ATAD3A: variants seen among roughly 807,000 people sequenced by gnomAD.
ATAD3A encodes ATPase family AAA domain-containing protein 3A.
Under a neutral mutation model 73.8 loss-of-function variants are expected in ATAD3A, and 46 were observed. The ratio of observed to expected loss-of-function variants is 0.62; its 90% CI spans 0.49 to 0.80. ATAD3A has a LOEUF of 0.80. ATAD3A is among the 30% of genes least tolerant of loss of function. The probability of loss-of-function intolerance (pLI) is 0.00; values close to 1 mark genes in which losing one functional copy is unlikely to be tolerated. For missense variants in ATAD3A, 705 were observed against 838.0 expected (o/e 0.84, Z 1.96); for synonymous variants, 319 against 350.0 (o/e 0.91, Z 0.99).
chr1:1,522,676 G>C (rs141100577), intron 7 of ATAD3A, 68 bp from the exon 8 acceptor site: 6 of 1,595,890 alleles, frequency 3.8e-6, no homozygotes, highest in Non-Finnish European at 5.1e-6. Context: ...GGGCAGCCCC[G>C]TGCGTCTCCT....
At chr1:1,526,981 C>T (rs571690918) in intron 13 of ATAD3A, among the ~76,000 whole-genome samples, 3,966 of 152,218 alleles carry the variant, frequency 0.026, 171 homozygotes, top group African/African-American at 0.089. Context: ...GGACCTTGGT[C>T]CCCCGCCCGG....
chr1:1,513,874 C>G (rs1641275362), intron 1 of ATAD3A, among the ~76,000 whole-genome samples: 1 of 152,120 alleles, frequency 6.6e-6, no homozygotes, highest in African/African-American at 2.4e-5. Flanking sequence ...GCGGCTCCTC[C>G]TCACCGACTG....
Position 1,527,734 on chromosome 1 carries a change from C to T in ATAD3A, c.1377C>T (p.Phe459=), listed in dbSNP as rs74047254. The change falls in exon 14 of 16, where the codon TTC becomes TTT. Residue 459 remains phenylalanine, a synonymous_variant. Transcript: ENST00000378756. ...TGGCCAGCAACCAACCAGAGCAGTT[C>T]GACTGGGCCATCAATGACCGCATCA... ...LVLASNQPEQ[F]DWAINDRINE... 6.2e-6 allele frequency: 10 copies of T among 1,613,792 alleles called. No homozygotes were observed. Among genetic ancestry groups the T allele is most frequent in the South Asian group, 2.2e-5 (2 of 91,058 alleles).
chr1:1,513,657 A>G (rs1488132575), intron 1 of ATAD3A, among the ~76,000 whole-genome samples: 2 of 151,718 alleles, frequency 1.3e-5, no homozygotes, highest in African/African-American at 4.9e-5. Flanking sequence ...TCCTGGCCTC[A>G]CTGCTGGCAG....
intron 13 of ATAD3A, chr1:1,527,037 T>G (rs1641871683): frequency 3.5e-5 from 19 of 543,712 alleles, no homozygotes; most frequent in South Asian, 2.9e-4. Context: ...CCACCCGACT[T>G]TGTGTGGCCT....
In ATAD3A at chr1:1,512,421, C is replaced by T. The variant is rs1641224054; in HGVS notation, c.153C>T (p.Asp51=). The T allele has an allele frequency of 1.3e-5, 16 of 1,230,930 alleles. No homozygotes were observed. In the East Asian group the frequency reaches 5.1e-4, roughly 39 times the overall value. The allele number at this position is 1,230,930 out of a possible 1,614,324, so 76.3% of individuals were successfully genotyped here. A position where few individuals can be genotyped will look rare whatever the true frequency, so the allele number is the denominator to read the frequency against. Residue 51 remains aspartate (D), a synonymous_variant, in exon 1 of 16, where the codon GAC becomes GAT. Coordinates refer to ENST00000378756, the MANE Select transcript of ATAD3A (RefSeq NM_001170535.3). ...CCAAGGACAAATGGAGCAACTTCGA[C>T]CCCACCGGCCTGGAGCGCGCCGCCA... The part of the protein sequence containing the change: ...PAPKDKWSNF[D]PTGLERAAKA...
At position 1,517,346 on chromosome 1, in the gene ATAD3A, G is replaced by A. The variant is rs1430545912; in HGVS notation, c.318G>A (p.Glu106=). 1 of 1,542,106 alleles carries A rather than the reference G, an allele frequency of 6.5e-7. No homozygotes were observed. The highest frequency in any genetic ancestry group is 8.7e-7 in the Non-Finnish European group (1 of 1,145,652). The change falls in exon 3 of 16, where the codon GAG becomes GAA. Residue 106 remains glutamate (E), a synonymous_variant. Coordinates refer to ENST00000378756, the MANE Select transcript of ATAD3A (RefSeq NM_001170535.3). ...CCGCCGTGGAGCAGCTCAAGAGCGA[G>A]CAGATCCGGGCGCAGGCTGAGGAGA... is the stretch of plus-strand genomic sequence containing the variant. ...YEAAVEQLKS[E]QIRAQAEERR...
At chr1:1,531,164 A>G (rs1642021579) in intron 15 of ATAD3A, among the ~76,000 whole-genome samples, 1 of 151,944 alleles carries the variant, frequency 6.6e-6, no homozygotes, top group Non-Finnish European at 1.5e-5. Flanking sequence ...TCTTAAAAAA[A>G]TAGTAATAGG....
chr1:1,534,443 C>T lies in ATAD3A; in HGVS notation c.*371C>T. The T allele has an allele frequency of 8.1e-7, 1 of 1,236,122 alleles. No individual in the cohort carries two copies. The highest frequency in any genetic ancestry group is 1.0e-6 in the Non-Finnish European group (1 of 967,014). 76.6% of individuals were successfully genotyped at this position (1,236,122 alleles called of 1,614,324 possible). Reference sequence around the variant, plus strand: ...GAGCCAGGCAGGTGATGTCTTTGTTCTCGGCTCCCACAGCAGAGCCAGGTG... The same window carrying T: ...GAGCCAGGCAGGTGATGTCTTTGTTTTCGGCTCCCACAGCAGAGCCAGGTG... On this transcript the variant is annotated 3_prime_UTR_variant, in exon 16 of 16. Transcript: ENST00000378756.
chr1:1,516,178 G>A, intron 2 of ATAD3A, 90 bp downstream of exon 2: 14 of 1,581,442 alleles, frequency 8.9e-6, no homozygotes, highest in South Asian at 4.5e-5. Flanking sequence ...GGGTAGGGCC[G>A]GGGGTGTGTA....
At chr1:1,531,177 A>T (rs1642021861) in intron 15 of ATAD3A, among the ~76,000 whole-genome samples, 1 of 151,560 alleles carries the variant, frequency 6.6e-6, no homozygotes, top group Non-Finnish European at 1.5e-5. Flanking sequence ...GTAATAGGCC[A>T]GGTGCAGTGG....
chr1:1,517,172 G>A (rs1445028168), intron 2 of ATAD3A, 139 bp from the exon 3 acceptor site: 7 of 1,548,618 alleles, frequency 4.5e-6, no homozygotes, highest in Non-Finnish European at 6.1e-6. Context: ...TGCAGATGCG[G>A]CTGGAAGCCC....
intron 14 of ATAD3A, 96 bp downstream of exon 14, chr1:1,527,958 CTT>C (rs376072450): frequency 0.044 from 41,247 of 945,928 alleles, no homozygotes; most frequent in South Asian, 0.05. Flanking sequence ...TTTAACATTC[CTT>C]TTTTTTTTTT....
At chr1:1,527,936 CACTT>C (rs1641906491) in intron 14 of ATAD3A, 74 bp downstream of exon 14, 1 of 1,327,906 alleles carries the variant, frequency 7.5e-7, no homozygotes, top group African/African-American at 1.5e-5. Flanking sequence ...AGTCCACCAT[CACTT>C]ACAAACCTTT....
chr1:1,522,093 G>A (rs1370217512), intron 7 of ATAD3A, among the ~76,000 whole-genome samples: 5 of 152,102 alleles, frequency 3.3e-5, no homozygotes, highest in Non-Finnish European at 7.4e-5. Context: ...AGGCTGGAGT[G>A]TAGTGGCGCG....
intron 2 of ATAD3A, 148 bp from the exon 3 acceptor site, chr1:1,517,163 G>A (rs1261951422): frequency 3.0e-5 from 46 of 1,549,186 alleles, no homozygotes; most frequent in Non-Finnish European, 3.9e-5. Flanking sequence ...GATCCTGGGT[G>A]CAGATGCGGC....
Position 1,520,494 on chromosome 1 carries a change from T to A in ATAD3A, c.681-54T>A, listed in dbSNP as rs1641550866. ...GGCCTCACCCTCAACCTGCTCTCGC[T>A]GCGTGGCACGGATCTTCGTGTCCTT... is the stretch of plus-strand genomic sequence containing the variant. On this transcript the variant is annotated intron_variant, in intron 6 of 15. Coordinates refer to ENST00000378756, the MANE Select transcript of ATAD3A (RefSeq NM_001170535.3). This position sits in a 1 kb window ranked among gnomAD's most constrained non-coding sequence, Gnocchi z 4.0. 1.3e-5 allele frequency: 21 copies of A among 1,613,872 alleles called. No homozygotes were observed. The highest frequency in any genetic ancestry group is 1.0e-4 in the Admixed American group (6 of 60,004).
Position 1,523,125 on chromosome 1 carries a change from G to C in ATAD3A, c.906+226G>C, listed in dbSNP as rs1487955992. Among the ~76,000 whole-genome samples the C allele has an allele frequency of 1.3e-5, 2 of 151,990 alleles. No individual in the cohort carries two copies. The highest frequency in any genetic ancestry group is 4.8e-5 in the African/African-American group (2 of 41,316). On this transcript the variant is annotated intron_variant, in intron 8 of 15. Coordinates refer to ENST00000378756, the MANE Select transcript of ATAD3A (RefSeq NM_001170535.3). The surrounding 1 kb of genome is among the most constrained non-coding windows in gnomAD (Gnocchi z 5.1). The stretch of plus-strand genomic sequence containing the variant: ...TCGGTGTCCCCTGCTCAGGGCTCTT[G>C]ATGGGGCCTGGGAGCACATCGGGGT...
chr1:1,530,828 CAAAAA>C (rs1174830616), intron 15 of ATAD3A, among the ~76,000 whole-genome samples: 2 of 13,422 alleles, frequency 1.5e-4, no homozygotes, highest in Non-Finnish European at 2.2e-4. Flanking sequence ...GACTCCGTCT[CAAAAA>C]AAAAAAAAAA....
Sources: allele counts gnomAD v4.1 joint callset (sites outside exome capture counted in the v4.1 genomes callset), GRCh38; gene constraint gnomAD v4.1.1; non-coding constraint Gnocchi (gnomAD v3.1); transcripts MANE v1.5; gene names NCBI Gene and HGNC (gene_info 2026-07-23, HGNC 2026-07-21).